APBB2: variants seen among roughly 807,000 people sequenced by gnomAD.
The protein encoded by APBB2 is Fe65-like 1.
Under a neutral mutation model 82.5 loss-of-function variants are expected in APBB2, and 38 were observed. The observed-to-expected ratio is 0.46, with a 90% CI of 0.36 to 0.60. The LOEUF (loss-of-function observed/expected upper bound fraction) is 0.60, where lower values mean the gene tolerates loss of function less well. Among genes scored for constraint, APBB2 ranks in the 20% least tolerant of loss-of-function variants. The pLI, the probability that APBB2 is intolerant of heterozygous loss-of-function variation, is 0.00. For synonymous variants in APBB2, 341 were observed against 368.2 expected (o/e 0.93, Z 0.85); for missense variants, 772 against 972.3 (o/e 0.79, Z 2.74).
chr4:41,135,169 CAAAA>C (rs5857778), intron 2 of APBB2, among the ~76,000 whole-genome samples: 8 of 99,576 alleles, frequency 8.0e-5, no homozygotes, highest in Admixed American at 3.2e-4. Context: ...CTTGAGCCCT[CAAAA>C]AAAAAAAAAA....
intron 6 of APBB2, among the ~76,000 whole-genome samples, chr4:40,949,182 T>C (rs182295188): frequency 4.6e-5 from 7 of 152,060 alleles, no homozygotes; most frequent in Admixed American, 2.0e-4. Context: ...AGGCACAGAA[T>C]TGCTTGAACC....
At position 40,830,452 on chromosome 4, in the gene APBB2, A is replaced by C. The variant is rs767707366; in HGVS notation, c.1644+11T>G. On this transcript the variant is annotated intron_variant, in intron 13 of 17. Coordinates refer to ENST00000508593, the MANE Select transcript of APBB2 (RefSeq NM_004307.2). ...GAGAGAGGCGGCCCATACTGCCCTG[A>C]CCCACCTTACCTTGGAGCAGATCTC... 9 of 1,600,962 alleles carry C rather than the reference A, an allele frequency of 5.6e-6. No individual in the cohort carries two copies. The South Asian group carries it at 8.8e-5, about 16-fold the overall frequency.
At chr4:41,133,964 G>T (rs987429131) in intron 2 of APBB2, among the ~76,000 whole-genome samples, 5 of 151,994 alleles carry the variant, frequency 3.3e-5, no homozygotes, top group African/African-American at 1.2e-4. Flanking sequence ...TAAAACCTAG[G>T]ACACACTTTC....
intron 2 of APBB2, chr4:41,138,161 AT>A (rs34512338): frequency 0.57 from 86,423 of 151,706 alleles, 24,922 homozygotes; most frequent in East Asian, 0.76. Flanking sequence ...GTGAGACTGC[AT>A]TTAAAAAAAA....
chr4:41,040,243 T>C (rs536371705), intron 4 of APBB2, among the ~76,000 whole-genome samples: 11 of 152,286 alleles, frequency 7.2e-5, no homozygotes, highest in African/African-American at 2.2e-4. Context: ...AAAGTAGACA[T>C]TGCATTCCAG....
intron 10 of APBB2, among the ~76,000 whole-genome samples, chr4:40,921,570 C>T (rs751691676): frequency 2.6e-5 from 4 of 152,120 alleles, no homozygotes; most frequent in South Asian, 2.1e-4. Flanking sequence ...AACCAAAACA[C>T]GGTGAGATGC....
chr4:40,982,221 G>GAAAGAAAGAAA (rs766666523), intron 6 of APBB2, among the ~76,000 whole-genome samples: 6 of 12,904 alleles, frequency 4.6e-4, no homozygotes, highest in African/African-American at 1.3e-3. Flanking sequence ...AGAAAAGAAA[G>GAAAGAAAGAAA]GAAAGAAAGA....
chr4:40,979,622 G>T (rs1477958553), intron 6 of APBB2, among the ~76,000 whole-genome samples: 1 of 152,206 alleles, frequency 6.6e-6, no homozygotes, highest in East Asian at 1.9e-4. Flanking sequence ...TGCTGGCCCT[G>T]AAGAAGTAAA....
intron 10 of APBB2, among the ~76,000 whole-genome samples, chr4:40,911,734 G>A (rs1034825454): frequency 2.6e-5 from 4 of 151,986 alleles, no homozygotes; most frequent in African/African-American, 9.7e-5. Flanking sequence ...TGTGTCTGCA[G>A]TCCTCATAAG....
intron 1 of APBB2, among the ~76,000 whole-genome samples, chr4:41,176,464 C>A (rs1395088424): frequency 6.6e-6 from 1 of 151,712 alleles, no homozygotes; most frequent in East Asian, 1.9e-4. Context: ...CAGCTTCTTC[C>A]CCCTCCCAAT....
At chr4:41,150,574 C>A (rs1184311746) in intron 1 of APBB2, among the ~76,000 whole-genome samples, 1 of 152,216 alleles carries the variant, frequency 6.6e-6, no homozygotes, top group Non-Finnish European at 1.5e-5. Flanking sequence ...CCAAATATTA[C>A]TGCCCTCATG....
intron 3 of APBB2, among the ~76,000 whole-genome samples, chr4:41,089,098 A>C (rs1293259002): frequency 6.6e-6 from 1 of 152,188 alleles, no homozygotes; most frequent in Non-Finnish European, 1.5e-5. Flanking sequence ...CAGGTTAAAC[A>C]CAGATTTCTG....
At chr4:41,078,745 T>G (rs906386369) in intron 3 of APBB2, among the ~76,000 whole-genome samples, 3 of 152,224 alleles carry the variant, frequency 2.0e-5, no homozygotes, top group Admixed American at 6.5e-5. Flanking sequence ...CCTCCCCTTC[T>G]ACCAGAGTGC....
At chr4:41,142,252 C>T (rs1759452412) in intron 2 of APBB2, among the ~76,000 whole-genome samples, 1 of 152,114 alleles carries the variant, frequency 6.6e-6, no homozygotes, top group African/African-American at 2.4e-5. Flanking sequence ...AATGTCTGTC[C>T]CTGTATAATA....
Position 40,916,068 on chromosome 4 carries a change from T to C in APBB2, c.1254+18388A>G, listed in dbSNP as rs868112125. ...GTGTGTAATGCAAAGGTGAAGTAAA[T>C]ACAAAGAAACTCTCTGCCAAGATAG... On this transcript the variant is annotated intron_variant, in intron 10 of 17. Coordinates refer to ENST00000508593, the MANE Select transcript of APBB2 (RefSeq NM_004307.2). 3.9e-4 allele frequency among the ~76,000 whole-genome samples: 60 copies of C among 152,008 alleles called. 1 individual carries two copies. The highest frequency in any genetic ancestry group is 6.2e-4 in the South Asian group (3 of 4,818).
At chr4:41,032,695 T>C (rs1717311949) in intron 5 of APBB2, among the ~76,000 whole-genome samples, 1 of 151,956 alleles carries the variant, frequency 6.6e-6, no homozygotes, top group African/African-American at 2.4e-5. Flanking sequence ...TACATTACGA[T>C]ATAAGTATTC....
chr4:41,194,250 A>AGT, intron 1 of APBB2: 2 of 152,274 alleles, frequency 1.3e-5, no homozygotes, highest in Non-Finnish European at 2.9e-5. Flanking sequence ...TGAACCCAGG[A>AGT]GTTCAAGGCT....
In APBB2 at chr4:41,013,849, G is replaced by A. The variant is rs146518311; in HGVS notation, c.569C>T (p.Ser190Phe). ...GNHHGTAEEKSQPVQGQASTI... is the reference protein window; with the variant it reads ...GNHHGTAEEKFQPVQGQASTI... ...GGAGGCCTGGCCCTGGACTGGCTGGGATTTCTCTTCCGCAGTCCCATGGTG... is the reference window on the plus strand; with the variant it reads ...GGAGGCCTGGCCCTGGACTGGCTGGAATTTCTCTTCCGCAGTCCCATGGTG... The change falls in exon 6 of 18, where the codon TCC becomes TTC. Residue 190 changes from serine to phenylalanine, a missense_variant. Coordinates refer to ENST00000508593, the MANE Select transcript of APBB2 (RefSeq NM_004307.2). The A allele has an allele frequency of 2.5e-6, 4 of 1,614,054 alleles. No homozygotes were observed. The highest frequency in any genetic ancestry group is 3.4e-6 in the Non-Finnish European group (4 of 1,180,050).
chr4:40,890,085 T>C (rs1187447230), intron 12 of APBB2, among the ~76,000 whole-genome samples: 3 of 152,076 alleles, frequency 2.0e-5, no homozygotes, highest in East Asian at 1.9e-4. Context: ...GGTTGGAAAC[T>C]TGGTTGCATG....
Sources: allele counts gnomAD v4.1 joint callset (sites outside exome capture counted in the v4.1 genomes callset), GRCh38; gene constraint gnomAD v4.1.1; transcripts MANE v1.5; gene names NCBI Gene and HGNC (gene_info 2026-07-23, HGNC 2026-07-21).